RCBTB2: variants seen among roughly 807,000 people sequenced by gnomAD.
The protein encoded by RCBTB2 is RCC1 and BTB domain containing protein 2.
In RCBTB2, 55 loss-of-function variants were observed where a neutral mutation model predicts 65.4. That is an observed-to-expected ratio of 0.84 (90% CI 0.68 to 1.05). The LOEUF is 1.05. RCBTB2 is among the 50% of genes least tolerant of loss of function. The pLI, the probability that RCBTB2 is intolerant of heterozygous loss-of-function variation, is 0.00. For missense variants in RCBTB2, 599 were observed against 680.1 expected (o/e 0.88, Z 1.33); for synonymous variants, 220 against 255.2 (o/e 0.86, Z 1.31).
chr13:48,491,451 C>T (rs756679140), intron 14 of RCBTB2, among the ~76,000 whole-genome samples: 3 of 152,196 alleles, frequency 2.0e-5, no homozygotes, highest in Admixed American at 6.5e-5. Context: ...TTCACACACC[C>T]ACTTGTCATC....
At chr13:48,516,151 A>C (rs1951076602) in intron 4 of RCBTB2, among the ~76,000 whole-genome samples, 1 of 152,210 alleles carries the variant, frequency 6.6e-6, no homozygotes, top group African/African-American at 2.4e-5. Flanking sequence ...TAAGTCAAGA[A>C]CAATGCTTGG....
chr13:48,511,265 TAGC>T (rs1950779103), intron 9 of RCBTB2, among the ~76,000 whole-genome samples: 1 of 152,200 alleles, frequency 6.6e-6, no homozygotes, highest in Non-Finnish European at 1.5e-5. Flanking sequence ...CCATTACACA[TAGC>T]AGTTTTCCAT....
upstream of RCBTB2, among the ~76,000 whole-genome samples, chr13:48,533,749 AAATG>A (rs1952305956): frequency 2.0e-5 from 3 of 152,348 alleles, no homozygotes; most frequent in East Asian, 3.9e-4. Flanking sequence ...GATTTAAGTA[AAATG>A]CACCACAACT....
chr13:48,523,637 G>A (rs1165566889), intron 2 of RCBTB2, among the ~76,000 whole-genome samples: 2 of 152,062 alleles, frequency 1.3e-5, no homozygotes, highest in African/African-American at 4.8e-5. Flanking sequence ...AAAATAAAAG[G>A]AGAGGAGAAG....
intron 10 of RCBTB2, among the ~76,000 whole-genome samples, chr13:48,506,537 G>A (rs777781904): frequency 6.6e-6 from 1 of 152,170 alleles, no homozygotes; most frequent in African/African-American, 2.4e-5. Context: ...GGAGAGGAGC[G>A]GAAGGTGGCC....
intron 11 of RCBTB2, among the ~76,000 whole-genome samples, chr13:48,502,416 C>T (rs568805925): frequency 6.6e-6 from 1 of 151,994 alleles, no homozygotes; most frequent in South Asian, 2.1e-4. Flanking sequence ...TCGCTTGAAC[C>T]CAGGGGCTGA....
intron 1 of RCBTB2, among the ~76,000 whole-genome samples, chr13:48,530,649 A>G (rs1226204923): frequency 6.6e-6 from 1 of 152,266 alleles, no homozygotes; most frequent in Non-Finnish European, 1.5e-5. Flanking sequence ...AGTCATCCAC[A>G]GTCAGAGGGA....
intron 4 of RCBTB2, among the ~76,000 whole-genome samples, chr13:48,521,539 G>A (rs1490546200): frequency 3.3e-5 from 5 of 152,202 alleles, no homozygotes; most frequent in Non-Finnish European, 7.3e-5. Flanking sequence ...TATCATCTAA[G>A]ATCAGACAGT....
At chr13:48,519,289 C>G (rs9331976) in intron 4 of RCBTB2, among the ~76,000 whole-genome samples, 5,526 of 152,266 alleles carry the variant, frequency 0.036, 346 homozygotes, top group African/African-American at 0.13. Flanking sequence ...TGTGGGTTGT[C>G]TTCCACAAAC....
intron 12 of RCBTB2, 72 bp downstream of exon 12, chr13:48,501,670 T>C: frequency 2.2e-6 from 3 of 1,342,266 alleles, no homozygotes; most frequent in Non-Finnish European, 3.2e-6. Flanking sequence ...AGGTGCCTAA[T>C]ATAGTTGGAC....
At chr13:48,521,644 G>A (rs1951430455) in intron 4 of RCBTB2, among the ~76,000 whole-genome samples, 1 of 151,702 alleles carries the variant, frequency 6.6e-6, no homozygotes. Context: ...GATGGCCTTT[G>A]CGCCTCATCT....
At chr13:48,505,219 T>C (rs1159234308) in intron 10 of RCBTB2, among the ~76,000 whole-genome samples, 2 of 152,098 alleles carry the variant, frequency 1.3e-5, no homozygotes, top group Non-Finnish European at 2.9e-5. Flanking sequence ...GGTGTGAGAA[T>C]CAAGTGATAA....
intron 1 of RCBTB2, among the ~76,000 whole-genome samples, chr13:48,530,473 C>G (rs557275890): frequency 2.6e-5 from 4 of 152,332 alleles, no homozygotes; most frequent in African/African-American, 7.2e-5. Flanking sequence ...TTTCTCTAAG[C>G]CTTCTTTAAT....
intron 1 of RCBTB2, among the ~76,000 whole-genome samples, chr13:48,525,526 C>T (rs1449607438): frequency 6.6e-6 from 1 of 150,558 alleles, no homozygotes; most frequent in Non-Finnish European, 1.5e-5. Context: ...CTATTTTATT[C>T]TACCCTACTC....
chr13:48,511,940 G>A (rs1442195908), intron 8 of RCBTB2, 63 bp from the exon 9 acceptor site: 2 of 1,608,760 alleles, frequency 1.2e-6, no homozygotes, highest in Non-Finnish European at 1.7e-6. Context: ...TGTCTGTTAT[G>A]TGGGACATAC....
chr13:48,499,352 T>C (rs1426443656), intron 13 of RCBTB2, among the ~76,000 whole-genome samples: 1 of 152,180 alleles, frequency 6.6e-6, no homozygotes, highest in Non-Finnish European at 1.5e-5. Flanking sequence ...GACACGGGGA[T>C]CTGCTGCATG....
intron 6 of RCBTB2, among the ~76,000 whole-genome samples, chr13:48,514,425 A>C (rs1410478378): frequency 1.3e-5 from 2 of 152,270 alleles, no homozygotes. Context: ...TTCAGACCAC[A>C]GTCAACTGCA....
intron 10 of RCBTB2, 132 bp downstream of exon 10, chr13:48,510,497 A>C: frequency 9.0e-7 from 1 of 1,115,960 alleles, no homozygotes; most frequent in South Asian, 1.9e-5. Context: ...ATTTTTCTAA[A>C]GGAATAAATA....
intron 14 of RCBTB2, among the ~76,000 whole-genome samples, chr13:48,492,758 C>T (rs1949754390): frequency 6.6e-6 from 1 of 152,180 alleles, no homozygotes; most frequent in Admixed American, 6.5e-5. Flanking sequence ...TCTTCAGTCT[C>T]CTTTGCTGGT....
Sources: allele counts gnomAD v4.1 joint callset (sites outside exome capture counted in the v4.1 genomes callset), GRCh38; gene constraint gnomAD v4.1.1; transcripts MANE v1.5; gene names NCBI Gene and HGNC (gene_info 2026-07-23, HGNC 2026-07-21).